The following YPEL2 variants were observed in gnomAD, a reference collection of about 807,000 sequenced individuals.
YPEL2 encodes the protein yippee like 2.
A neutral mutation model predicts 19.1 loss-of-function variants in YPEL2; 2 were observed. The ratio of observed to expected loss-of-function variants is 0.10; its 90% confidence interval spans 0.04 to 0.33. The LOEUF is 0.33. Among genes scored for constraint, YPEL2 ranks in the 10% least tolerant of loss-of-function variants. The pLI is 1.00. For missense variants in YPEL2, 66 were observed against 140.7 expected, an observed-to-expected ratio of 0.47 and a Z score of 2.68; for synonymous variants, 52 against 50.0, an observed-to-expected ratio of 1.04 and a Z score of -0.17.
chr17:59,382,290 T>C (rs1490583594), intron 2 of YPEL2, among the ~76,000 whole-genome samples: 1 of 152,186 alleles, frequency 6.6e-6, no homozygotes, highest in Non-Finnish European at 1.5e-5. Context: ...CCGCAGACTC[T>C]CTCAAAACAG....
chr17:59,397,378 C>CT lies in YPEL2; in HGVS notation c.*191dup. ...AAATCGCTGTCTCTCTGTCTCTTTG[C>CT]TTTGTATCTGTTTGTGAGTTGATCC... On this transcript the variant is annotated 3_prime_UTR_variant, in exon 5 of 5. Transcript: ENST00000312655. The CT allele has an allele frequency of 2.3e-6, 1 of 441,576 alleles. No homozygotes were observed. Among genetic ancestry groups the CT allele is most frequent in the Non-Finnish European group, 4.1e-6 (1 of 245,028 alleles). 27.4% of individuals were successfully genotyped at this position (441,576 alleles called of 1,614,324 possible).
chr17:59,368,330 C>T lies in YPEL2; in HGVS notation c.117+14804C>T, dbSNP rs536030878. On this transcript the variant is annotated intron_variant, in intron 2 of 4. Coordinates refer to ENST00000312655, the MANE Select transcript of YPEL2 (RefSeq NM_001005404.4). Reference sequence around the variant, plus strand: ...AATTCCTGGGCTCAAGTGATCAGCCCGCCTTGGCCTGCCAAAGTGCTGGGA... The same window carrying T: ...AATTCCTGGGCTCAAGTGATCAGCCTGCCTTGGCCTGCCAAAGTGCTGGGA... 1.2e-4 allele frequency among the ~76,000 whole-genome samples: 18 copies of T among 152,300 alleles called. No homozygotes were observed. The East Asian group carries it at 2.5e-3, about 21-fold the overall frequency.
At chr17:59,336,009 A>G (rs1182677858) in intron 1 of YPEL2, among the ~76,000 whole-genome samples, 6 of 152,162 alleles carry the variant, frequency 3.9e-5, no homozygotes, top group Non-Finnish European at 2.9e-5. Flanking sequence ...GTCTGGAAAT[A>G]TATTATCTAC....
At chr17:59,335,101 A>C (rs2047692393) in intron 1 of YPEL2, among the ~76,000 whole-genome samples, 1 of 152,230 alleles carries the variant, frequency 6.6e-6, no homozygotes, top group Admixed American at 6.5e-5. Flanking sequence ...ATCATTTTCA[A>C]CTTGAGCCTG....
Position 59,387,654 on chromosome 17 carries a change from AAAAG to A in YPEL2, c.118-665_118-662del, listed in dbSNP as rs2047987526. On this transcript the variant is annotated intron_variant, in intron 2 of 4. Transcript: ENST00000312655. The stretch of plus-strand genomic sequence containing the variant: ...TCCTGTTCCCTGCCGCCCTCCAGCC[AAAAG>A]AAAGAAACTAATATGTAAGCTAGAG... 2.0e-5 allele frequency among the ~76,000 whole-genome samples: 3 copies of A among 152,184 alleles called. No homozygotes were observed. In the South Asian group the frequency reaches 6.2e-4, roughly 31 times the overall value.
At position 59,398,179 on chromosome 17, in the gene YPEL2, G is replaced by T. The variant is rs72839014; in HGVS notation, c.*989G>T. 0.16 allele frequency: 23,888 copies of T among 152,138 alleles called. 2,305 individuals carry two copies. Among genetic ancestry groups the T allele is most frequent in the Middle Eastern group, 0.29 (85 of 292 alleles). 9.4% of individuals were successfully genotyped at this position (152,138 alleles called of 1,614,324 possible). On this transcript the variant is annotated 3_prime_UTR_variant, in exon 5 of 5. Coordinates refer to ENST00000312655, the MANE Select transcript of YPEL2 (RefSeq NM_001005404.4). ...CCTTCCTTCTGACCCCTCATAAGAG[G>T]AGTGTGGTGAGGGAGGGGACTGGGT...
intron 2 of YPEL2, among the ~76,000 whole-genome samples, chr17:59,371,975 G>C (rs2047899480): frequency 6.6e-6 from 1 of 152,142 alleles, no homozygotes; most frequent in Non-Finnish European, 1.5e-5. Context: ...CCTGTCACTT[G>C]TAACCAAGTA....
chr17:59,347,872 A>G (rs1246427966), intron 1 of YPEL2, among the ~76,000 whole-genome samples: 2 of 152,200 alleles, frequency 1.3e-5, no homozygotes, highest in Non-Finnish European at 2.9e-5. Context: ...ATGTTCCCAA[A>G]GGACCCCAAA....
At chr17:59,366,830 C>G (rs1266010595) in intron 2 of YPEL2, among the ~76,000 whole-genome samples, 1 of 152,088 alleles carries the variant, frequency 6.6e-6, no homozygotes. Context: ...TTTTGAAGCT[C>G]GAAGCCCCCA....
intron 1 of YPEL2, among the ~76,000 whole-genome samples, chr17:59,340,440 G>T (rs1438891815): frequency 6.2e-5 from 9 of 145,998 alleles, no homozygotes. Flanking sequence ...TTTTGAGACA[G>T]AGTCTTGCTC....
At chr17:59,343,372 G>A (rs571869422) in intron 1 of YPEL2, among the ~76,000 whole-genome samples, 1 of 152,252 alleles carries the variant, frequency 6.6e-6, no homozygotes, top group East Asian at 1.9e-4. Context: ...GGTGGGGTTG[G>A]GGGGATCTGG....
intron 2 of YPEL2, among the ~76,000 whole-genome samples, chr17:59,371,061 A>C (rs1036109298): frequency 7.2e-5 from 11 of 152,150 alleles, no homozygotes; most frequent in Admixed American, 3.3e-4. Context: ...GCTCCTGTGA[A>C]GCACAGGCCT....
chr17:59,373,143 A>G (rs2047904801), intron 2 of YPEL2, among the ~76,000 whole-genome samples: 1 of 152,252 alleles, frequency 6.6e-6, no homozygotes, highest in African/African-American at 2.4e-5. Flanking sequence ...CTGGGATTAC[A>G]GGCGTGAGCT....
At chr17:59,368,984 C>T (rs1293042698) in intron 2 of YPEL2, among the ~76,000 whole-genome samples, 1 of 151,826 alleles carries the variant, frequency 6.6e-6, no homozygotes, top group East Asian at 1.9e-4. Flanking sequence ...AGCTAAATAG[C>T]AAGCAGGTAG....
intron 4 of YPEL2, among the ~76,000 whole-genome samples, chr17:59,395,818 C>G (rs1182468594): frequency 6.6e-6 from 1 of 152,200 alleles, no homozygotes; most frequent in African/African-American, 2.4e-5. Context: ...GTGGCTCACA[C>G]CTGTAATCCC....
intron 1 of YPEL2, chr17:59,345,106 G>C (rs768775495): frequency 6.6e-6 from 1 of 152,264 alleles, no homozygotes; most frequent in East Asian, 1.9e-4. Flanking sequence ...CCACTGACCT[G>C]ATGGGGCGTT....
intron 2 of YPEL2, among the ~76,000 whole-genome samples, chr17:59,378,810 G>T (rs937950282): frequency 2.2e-4 from 33 of 152,204 alleles, no homozygotes; most frequent in Non-Finnish European, 4.4e-4. Context: ...TCCATCTGTT[G>T]TGGGAATGTG....
chr17:59,341,546 C>T (rs2047731062), intron 1 of YPEL2, among the ~76,000 whole-genome samples: 1 of 152,130 alleles, frequency 6.6e-6, no homozygotes, highest in African/African-American at 2.4e-5. Flanking sequence ...ATAATCCCAG[C>T]TACTTGGGAG....
chr17:59,394,228 G>A (rs1021603971), intron 4 of YPEL2, among the ~76,000 whole-genome samples: 2 of 151,866 alleles, frequency 1.3e-5, no homozygotes, highest in Non-Finnish European at 2.9e-5. Flanking sequence ...GGTGGCTGCC[G>A]GGCGGAGACA....
Sources: gnomAD v4.1 joint callset for allele counts (sites outside exome capture counted in the v4.1 genomes callset) on GRCh38, gnomAD v4.1.1 for gene constraint, MANE v1.5 for transcripts, NCBI Gene and HGNC (gene_info 2026-07-23, HGNC 2026-07-21) for gene names.